The following FAM81A variants were observed in gnomAD, a reference collection of about 807,000 sequenced individuals.
The protein encoded by FAM81A is protein FAM81A.
A neutral mutation model predicts 46.7 loss-of-function variants in FAM81A; 19 were observed. That is an observed-to-expected ratio of 0.41 (90% CI 0.28 to 0.60). The LOEUF is 0.60. FAM81A is among the 20% of genes least tolerant of loss of function. The pLI, the probability that FAM81A is intolerant of heterozygous loss-of-function variation, is 0.34. For missense variants in FAM81A, 377 were observed against 453.5 expected, an observed-to-expected ratio of 0.83 and a Z score of 1.53; for synonymous variants, 183 against 152.9, an observed-to-expected ratio of 1.20 and a Z score of -1.45.
chr15:59,495,504 A>G (rs1372774927), intron 4 of FAM81A, among the ~76,000 whole-genome samples: 1 of 152,178 alleles, frequency 6.6e-6, no homozygotes, highest in African/African-American at 2.4e-5. Context: ...TTGTGTGCTC[A>G]TAGGTTTTCA....
intron 2 of FAM81A, among the ~76,000 whole-genome samples, chr15:59,404,773 G>C (rs193069460): frequency 1.3e-5 from 2 of 152,200 alleles, no homozygotes; most frequent in African/African-American, 4.8e-5. Context: ...CTTCACAACA[G>C]CTGGAATAAC....
At chr15:59,502,710 C>T (rs2082107684) in intron 4 of FAM81A, among the ~76,000 whole-genome samples, 1 of 151,804 alleles carries the variant, frequency 6.6e-6, no homozygotes, top group East Asian at 2.0e-4. Context: ...TTAGTAGAGA[C>T]GGGGTTTTAC....
intron 3 of FAM81A, among the ~76,000 whole-genome samples, chr15:59,475,825 C>G (rs898277978): frequency 6.6e-6 from 1 of 152,214 alleles, no homozygotes. Flanking sequence ...TTAAGCATGT[C>G]TACCTAAACA....
chr15:59,432,971 T>TA (rs71119472), intron 2 of FAM81A, among the ~76,000 whole-genome samples: 46,426 of 140,482 alleles, frequency 0.33, 8,692 homozygotes, highest in Non-Finnish European at 0.42. Flanking sequence ...CCGTCTCTAT[T>TA]AAAAAAAAAA....
chr15:59,493,775 A>G (rs915842983), intron 4 of FAM81A, among the ~76,000 whole-genome samples: 5 of 152,074 alleles, frequency 3.3e-5, no homozygotes, highest in African/African-American at 1.2e-4. Context: ...TTTAGTAGAG[A>G]TGAGGTTTTA....
intron 7 of FAM81A, among the ~76,000 whole-genome samples, chr15:59,515,449 C>G (rs1469120270): frequency 6.6e-6 from 1 of 152,096 alleles, no homozygotes; most frequent in Non-Finnish European, 1.5e-5. Context: ...TCTGCTCTCT[C>G]CAGATGTGGA....
chr15:59,404,929 C>T (rs545810704), intron 2 of FAM81A, among the ~76,000 whole-genome samples: 44 of 152,326 alleles, frequency 2.9e-4, no homozygotes, highest in African/African-American at 1.0e-3. Context: ...CTCCTACCAC[C>T]CTGCTTCCAT....
chr15:59,460,347 T>C lies in FAM81A; in HGVS notation c.294+141T>C, dbSNP rs763928380. 4 of 1,118,808 alleles carry C rather than the reference T, an allele frequency of 3.6e-6. No individual in the cohort carries two copies. Among genetic ancestry groups the C allele is most frequent in the Non-Finnish European group, 5.4e-6 (4 of 738,740 alleles). The allele number at this position is 1,118,808 out of a possible 1,614,324, so 69.3% of individuals were successfully genotyped here. On this transcript the variant is annotated intron_variant, in intron 3 of 8. Transcript: ENST00000288228. This position sits in a 1 kb window ranked among gnomAD's most constrained non-coding sequence, Gnocchi z 4.4. Reference sequence around the variant, plus strand: ...TGTCTGTCTTGTCTATTCTTAATGATCGCCAAGGAGACAGCTTGCAGAAAT... The same window carrying C: ...TGTCTGTCTTGTCTATTCTTAATGACCGCCAAGGAGACAGCTTGCAGAAAT...
intron 4 of FAM81A, among the ~76,000 whole-genome samples, chr15:59,494,901 G>T (rs1171872831): frequency 6.6e-6 from 1 of 152,068 alleles, no homozygotes; most frequent in Non-Finnish European, 1.5e-5. Context: ...GCTCAGAAGG[G>T]CAAAGGCAAG....
intron 1 of FAM81A, chr15:59,444,976 T>C (rs1227370768): frequency 1.3e-5 from 2 of 152,232 alleles, no homozygotes; most frequent in Non-Finnish European, 1.5e-5. Context: ...ATTACCTCTT[T>C]CTGGTCCACC....
At chr15:59,469,547 T>C (rs2081658079) in intron 3 of FAM81A, among the ~76,000 whole-genome samples, 1 of 152,116 alleles carries the variant, frequency 6.6e-6, no homozygotes, top group Non-Finnish European at 1.5e-5. Flanking sequence ...GCTTTTTTTT[T>C]TTTTGCTTTC....
At chr15:59,465,717 G>A (rs1003732125) in intron 3 of FAM81A, among the ~76,000 whole-genome samples, 1 of 151,714 alleles carries the variant, frequency 6.6e-6, no homozygotes, top group African/African-American at 2.4e-5. Context: ...AAATTATACT[G>A]TAAGTTTTAG....
At chr15:59,439,272 G>T (rs948728776) in intron 1 of FAM81A, among the ~76,000 whole-genome samples, 1 of 152,104 alleles carries the variant, frequency 6.6e-6, no homozygotes, top group Non-Finnish European at 1.5e-5. Flanking sequence ...GCAAACATTT[G>T]CAACTTGCTT....
At chr15:59,481,212 A>G (rs1038143869) in intron 3 of FAM81A, among the ~76,000 whole-genome samples, 1 of 152,102 alleles carries the variant, frequency 6.6e-6, no homozygotes, top group African/African-American at 2.4e-5. Context: ...TGCCCAGGCT[A>G]GTCTCAAACT....
chr15:59,446,183 G>A (rs1265159503), intron 1 of FAM81A, among the ~76,000 whole-genome samples: 3 of 152,134 alleles, frequency 2.0e-5, no homozygotes, highest in Non-Finnish European at 4.4e-5. Context: ...CTGCCCTACG[G>A]CAGCTCAGCT....
At chr15:59,483,109 T>G (rs1293417704) in intron 3 of FAM81A, among the ~76,000 whole-genome samples, 1 of 152,000 alleles carries the variant, frequency 6.6e-6, no homozygotes, top group East Asian at 1.9e-4. Flanking sequence ...ACAATCTCGG[T>G]TCACTGCAAC....
intron 7 of FAM81A, among the ~76,000 whole-genome samples, chr15:59,515,802 TAA>T (rs2082260095): frequency 6.6e-6 from 1 of 152,228 alleles, no homozygotes; most frequent in African/African-American, 2.4e-5. Context: ...TAGCTAACAG[TAA>T]ACCCCAGGAT....
In FAM81A at chr15:59,504,325, C is replaced by G. The variant is rs150332724; in HGVS notation, c.414-2888C>G. ...ATATGTCAAGTATCTAGTACAGTACCTAGTACATAGTAAATATTTCCTTAT... is the reference window on the plus strand; with the variant it reads ...ATATGTCAAGTATCTAGTACAGTACGTAGTACATAGTAAATATTTCCTTAT... On this transcript the variant is annotated intron_variant, in intron 4 of 8. Transcript: ENST00000288228. 2.6e-5 allele frequency among the ~76,000 whole-genome samples: 4 copies of G among 152,070 alleles called. No homozygotes were observed. The East Asian group carries it at 7.7e-4, about 29-fold the overall frequency.
chr15:59,471,022 C>G (rs1389510167), intron 3 of FAM81A, among the ~76,000 whole-genome samples: 1 of 152,086 alleles, frequency 6.6e-6, no homozygotes, highest in Non-Finnish European at 1.5e-5. Context: ...GCCATGTTGC[C>G]CAGGTTGGTC....
Sources: gnomAD v4.1 joint callset for allele counts (sites outside exome capture counted in the v4.1 genomes callset) on GRCh38, gnomAD v4.1.1 for gene constraint, Gnocchi (gnomAD v3.1) non-coding constraint, MANE v1.5 for transcripts, NCBI Gene and HGNC (gene_info 2026-07-23, HGNC 2026-07-21) for gene names.